BEND7: variants seen among roughly 807,000 people sequenced by gnomAD.
The protein encoded by BEND7 is BEN domain containing 7.
A neutral mutation model predicts 50.9 loss-of-function variants in BEND7; 28 were observed. The observed-to-expected ratio is 0.55, with a 90% confidence interval of 0.41 to 0.75. The LOEUF (loss-of-function observed/expected upper bound fraction) is 0.75, where lower values mean the gene tolerates loss of function less well. Among genes scored for constraint, BEND7 ranks in the 30% least tolerant of loss-of-function variants. The pLI is 0.00. For missense variants in BEND7, 477 were observed against 491.3 expected (o/e 0.97, Z 0.28); for synonymous variants, 170 against 183.9 (o/e 0.92, Z 0.61).
intron 4 of BEND7, 49 bp downstream of exon 4, chr10:13,496,717 G>C (rs1285114141): frequency 6.3e-7 from 1 of 1,585,690 alleles, no homozygotes. Context: ...GAAGATGTCA[G>C]ATATGCATTA....
intron 2 of BEND7, among the ~76,000 whole-genome samples, chr10:13,522,006 C>T (rs1327497259): frequency 6.6e-6 from 1 of 152,216 alleles, no homozygotes; most frequent in Non-Finnish European, 1.5e-5. Flanking sequence ...GAGATGTCGA[C>T]CCTGCTCAGC....
intron 8 of BEND7, 124 bp downstream of exon 8, chr10:13,447,142 G>A: frequency 1.2e-6 from 1 of 826,046 alleles, no homozygotes. Flanking sequence ...ACGGGGCCTG[G>A]TCCACTGCAG....
chr10:13,441,355 T>G lies in BEND7; in HGVS notation c.*388A>C. The G allele has an allele frequency of 9.7e-7, 1 of 1,034,020 alleles. No homozygotes were observed. The highest frequency in any genetic ancestry group is 1.2e-6 in the Non-Finnish European group (1 of 862,504). 64.1% of individuals were successfully genotyped at this position (1,034,020 alleles called of 1,614,324 possible). ...TTTCTGAATAAAGACTGAACAGTAG[T>G]CACAGTAAGTAAACACAATTTTAAT... On this transcript the variant is annotated 3_prime_UTR_variant, in exon 9 of 9. Transcript: ENST00000466271.
chr10:13,441,181 C>A lies in BEND7; in HGVS notation c.*562G>T. ...AACACAATGTTATACACCATTTTCA[C>A]AACCAGGCTTGCATTGAATTCTTTT... is the stretch of plus-strand genomic sequence containing the variant. On this transcript the variant is annotated 3_prime_UTR_variant, in exon 9 of 9. Transcript: ENST00000466271. The A allele has an allele frequency of 9.3e-6, 9 of 972,660 alleles. No individual in the cohort carries two copies. The highest frequency in any genetic ancestry group is 1.1e-5 in the Non-Finnish European group (9 of 818,334). The allele number at this position is 972,660 out of a possible 1,614,324, so 60.3% of individuals were successfully genotyped here.
downstream of BEND7, chr10:13,439,532 A>G (rs1588579501): frequency 9.7e-6 from 15 of 1,549,040 alleles, no homozygotes; most frequent in Non-Finnish European, 1.3e-5. Flanking sequence ...TGAATGAATG[A>G]ATGGAGTAAC....
At chr10:13,491,218 T>G (rs897312408) in intron 5 of BEND7, among the ~76,000 whole-genome samples, 4 of 148,182 alleles carry the variant, frequency 2.7e-5, no homozygotes, top group Non-Finnish European at 5.9e-5. Context: ...GAGGCTGAGG[T>G]AGGAGAATTG....
intron 6 of BEND7, among the ~76,000 whole-genome samples, chr10:13,469,356 C>T (rs994341429): frequency 3.2e-4 from 22 of 69,812 alleles, no homozygotes; most frequent in Admixed American, 5.2e-4. Context: ...CAAAAAGGAA[C>T]GCCTCTCTCA....
chr10:13,519,244 A>G (rs1180710426), intron 2 of BEND7, among the ~76,000 whole-genome samples: 4 of 152,200 alleles, frequency 2.6e-5, no homozygotes, highest in Non-Finnish European at 5.9e-5. Flanking sequence ...AGGCTGAGGC[A>G]GGTGGATCAC....
intron 6 of BEND7, among the ~76,000 whole-genome samples, chr10:13,453,634 A>G (rs1838293673): frequency 6.6e-6 from 1 of 152,214 alleles, no homozygotes; most frequent in African/African-American, 2.4e-5. Context: ...CATTCAAATA[A>G]AAGAGTAACT....
chr10:13,528,284 T>TC (rs1205669111), intron 1 of BEND7, among the ~76,000 whole-genome samples, 189 bp downstream of exon 1: 6 of 150,990 alleles, frequency 4.0e-5, no homozygotes, highest in South Asian at 2.1e-4. Context: ...ACATCCCTGC[T>TC]CCCCCCGCAC....
Position 13,465,263 on chromosome 10 carries a change from A to G in BEND7, c.1064-12605T>C, listed in dbSNP as rs867761578. 2.6e-5 allele frequency among the ~76,000 whole-genome samples: 4 copies of G among 152,234 alleles called. 1 individual carries two copies. Among genetic ancestry groups the G allele is most frequent in the Middle Eastern group, 3.2e-3 (1 of 316 alleles). ...TGAAGTTCATTTCAGATTCGGTTTG[A>G]CAATCAGAATTTAGCACAGTTCATC... On this transcript the variant is annotated intron_variant, in intron 6 of 8. Coordinates refer to ENST00000466271, the MANE Select transcript of BEND7 (RefSeq NM_001369863.1).
chr10:13,440,226 C>G (rs569480747), downstream of BEND7, among the ~76,000 whole-genome samples: 1 of 152,280 alleles, frequency 6.6e-6, no homozygotes, highest in South Asian at 2.1e-4. Context: ...CCCTGCCAGC[C>G]CTGTGGGATC....
chr10:13,490,685 A>T (rs2076590396), intron 5 of BEND7, among the ~76,000 whole-genome samples: 1 of 152,160 alleles, frequency 6.6e-6, no homozygotes, highest in Non-Finnish European at 1.5e-5. Context: ...CCCACAGATA[A>T]AGGCTGAAGG....
intron 6 of BEND7, among the ~76,000 whole-genome samples, chr10:13,474,972 C>T (rs953651087): frequency 6.6e-6 from 1 of 152,206 alleles, no homozygotes; most frequent in African/African-American, 2.4e-5. Context: ...ATTTCCTAAA[C>T]CTACTGAATC....
chr10:13,460,711 C>A (rs1340031994), intron 6 of BEND7, among the ~76,000 whole-genome samples: 1 of 152,244 alleles, frequency 6.6e-6, no homozygotes, highest in African/African-American at 2.4e-5. Context: ...TGATCTATTT[C>A]AGCATATGGT....
chr10:13,527,329 G>C (rs2079504904), intron 1 of BEND7, among the ~76,000 whole-genome samples: 1 of 152,200 alleles, frequency 6.6e-6, no homozygotes, highest in Non-Finnish European at 1.5e-5. Context: ...AATTAGGGGA[G>C]GCAGATAAGA....
downstream of BEND7, chr10:13,439,419 G>A (rs1469846952): frequency 1.2e-6 from 2 of 1,614,010 alleles, no homozygotes; most frequent in African/African-American, 1.3e-5. Context: ...TTGTGACATT[G>A]TCTGAGGTGA....
At chr10:13,460,668 G>A (rs371208625) in intron 6 of BEND7, among the ~76,000 whole-genome samples, 1 of 152,162 alleles carries the variant, frequency 6.6e-6, no homozygotes. Context: ...GGCACATCAC[G>A]GGACACACAG....
In BEND7 at chr10:13,494,016, G is replaced by A. The variant is rs2076854432; in HGVS notation, c.572-1140C>T. ...CAAAAGCAATTCATAAATATTAGAAGCAAACTAATTGCACTACATAAGAGC... is the reference window on the plus strand; with the variant it reads ...CAAAAGCAATTCATAAATATTAGAAACAAACTAATTGCACTACATAAGAGC... On this transcript the variant is annotated intron_variant, in intron 4 of 8. Coordinates refer to ENST00000466271, the MANE Select transcript of BEND7 (RefSeq NM_001369863.1). Among the ~76,000 whole-genome samples the A allele has an allele frequency of 2.0e-5, 3 of 152,164 alleles. No homozygotes were observed. The South Asian group carries it at 6.2e-4, about 32-fold the overall frequency.
Sources: gnomAD v4.1 joint callset for allele counts (sites outside exome capture counted in the v4.1 genomes callset) on GRCh38, gnomAD v4.1.1 for gene constraint, MANE v1.5 for transcripts, NCBI Gene and HGNC (gene_info 2026-07-23, HGNC 2026-07-21) for gene names.